Variants in CDH2 observed in about 807,000 individuals in gnomAD.
CDH2 encodes the protein cadherin 2, also known as cadherin-2.
In CDH2, 17 loss-of-function variants were observed where a neutral mutation model predicts 92.0. The ratio of observed to expected loss-of-function variants is 0.18; its 90% CI spans 0.13 to 0.28. The LOEUF (loss-of-function observed/expected upper bound fraction) is 0.28. CDH2 is among the 10% of genes least tolerant of loss of function. The pLI, the probability that CDH2 is intolerant of heterozygous loss-of-function variation, is 1.00. For missense variants in CDH2, 862 were observed against 1,133.1 expected, an observed-to-expected ratio of 0.76 and a Z score of 3.44; for synonymous variants, 419 against 415.9, an observed-to-expected ratio of 1.01 and a Z score of -0.09.
At chr18:28,071,141 T>C (rs77824219) in intron 2 of CDH2, among the ~76,000 whole-genome samples, 1 of 152,018 alleles carries the variant, frequency 6.6e-6, no homozygotes, top group East Asian at 1.9e-4. Context: ...TTCTGACAGA[T>C]TTAGGAAACA....
At chr18:27,943,982 T>C (rs1180182271) in intron 6 of CDH2, among the ~76,000 whole-genome samples, 1 of 152,182 alleles carries the variant, frequency 6.6e-6, no homozygotes, top group East Asian at 1.9e-4. Flanking sequence ...GATGCTTTTT[T>C]AGATACCTAA....
At chr18:28,005,480 T>C (rs1376697909) in intron 6 of CDH2, among the ~76,000 whole-genome samples, 1 of 152,148 alleles carries the variant, frequency 6.6e-6, no homozygotes, top group Non-Finnish European at 1.5e-5. Flanking sequence ...TCTCATACAG[T>C]CACATCTGTA....
chr18:28,176,582 G>A (rs967465524), intron 1 of CDH2, among the ~76,000 whole-genome samples: 2 of 152,058 alleles, frequency 1.3e-5, no homozygotes, highest in African/African-American at 4.8e-5. Flanking sequence ...AAAAAAATTG[G>A]AGCAAAGTAC....
At chr18:28,097,037 C>G (rs916181568) in intron 2 of CDH2, 1 of 152,238 alleles carries the variant, frequency 6.6e-6, no homozygotes, top group Non-Finnish European at 1.5e-5. Flanking sequence ...CCAATTCTCA[C>G]AGCCGCAAGT....
chr18:28,036,089 G>T (rs1351129473), intron 2 of CDH2, among the ~76,000 whole-genome samples: 7 of 152,142 alleles, frequency 4.6e-5, no homozygotes, highest in Admixed American at 4.6e-4. Flanking sequence ...GTTTGCAGAA[G>T]AATGTCTGCT....
rs565469596 is a variant in CDH2, at chr18:27,941,064, C to G, written c.1152-7940G>C. Among the ~76,000 whole-genome samples the G allele has an allele frequency of 1.2e-4, 16 of 132,370 alleles. No individual in the cohort carries two copies. In the East Asian group the frequency reaches 4.0e-3, roughly 33 times the overall value. The allele number at this position is 132,370 out of a possible 152,430, so 86.8% of individuals were successfully genotyped here. ...TTTTTTTTTTTTTTTGAGAAGGAGT[C>G]TCGCTCTGTCGCCCAGGCTGGAGTG... On this transcript the variant is annotated intron_variant, in intron 6 of 6. Transcript: ENST00000675173.
At chr18:28,137,877 T>G (rs531278802) in intron 2 of CDH2, among the ~76,000 whole-genome samples, 1 of 152,254 alleles carries the variant, frequency 6.6e-6, no homozygotes, top group East Asian at 1.9e-4. Flanking sequence ...ATATCTGCAG[T>G]AGGCCTTTTC....
Position 27,963,460 on chromosome 18 carries a change from A to G in CDH2, c.2411T>C (p.Val804Ala). ...TCTTTCATCCATTCGTCGGATTCCC[A>G]CAGGCTTGATGGCATCAGGCTCCAC... The part of the protein sequence containing the change: ...DTVEPDAIKP[V>A]GIRRMDERPI... The change falls in exon 15 of 16, where the codon GTG becomes GCG. Residue 804 changes from valine (V) to alanine (A), a missense_variant. By Grantham distance (64) the Val-to-Ala change is moderately conservative (BLOSUM62 0). Coordinates refer to ENST00000269141, the MANE Select transcript of CDH2 (RefSeq NM_001792.5). The G allele has an allele frequency of 6.2e-7, 1 of 1,614,040 alleles. No individual in the cohort carries two copies. Among genetic ancestry groups the G allele is most frequent in the Non-Finnish European group, 8.5e-7 (1 of 1,179,994 alleles).
intron 2 of CDH2, among the ~76,000 whole-genome samples, chr18:28,044,996 A>G (rs943008509): frequency 1.3e-5 from 2 of 152,116 alleles, no homozygotes; most frequent in Admixed American, 6.5e-5. Flanking sequence ...CAATAGATCT[A>G]AGTAGCTACA....
intron 1 of CDH2, among the ~76,000 whole-genome samples, chr18:28,155,645 A>C (rs1157348947): frequency 1.3e-5 from 2 of 152,228 alleles, no homozygotes; most frequent in African/African-American, 4.8e-5. Flanking sequence ...TATGTCTTCC[A>C]AACGACATAA....
Position 28,044,850 on chromosome 18 carries a change from CGTGTGTGT to C in CDH2, c.173-30949_173-30942del, listed in dbSNP as rs68093312. Among the ~76,000 whole-genome samples the C allele has an allele frequency of 5.4e-3, 805 of 148,502 alleles. 10 individuals carry two copies. The highest frequency in any genetic ancestry group is 0.018 in the African/African-American group (749 of 40,674). ...ATTTTAAAAAGATAATATATAACAT[CGTGTGTGT>C]GTGTGTGTGTGTGTGTGTGTGTAAA... On this transcript the variant is annotated intron_variant, in intron 2 of 15. Coordinates refer to ENST00000269141, the MANE Select transcript of CDH2 (RefSeq NM_001792.5).
chr18:28,157,182 A>G (rs17536786), intron 1 of CDH2, among the ~76,000 whole-genome samples: 5,001 of 152,320 alleles, frequency 0.033, 286 homozygotes, highest in African/African-American at 0.11. Context: ...GAGATGGCCA[A>G]TCATGGCTCA....
chr18:27,947,018 T>C (rs2143841957), downstream of CDH2, among the ~76,000 whole-genome samples: 1 of 151,914 alleles, frequency 6.6e-6, no homozygotes, highest in South Asian at 2.1e-4. Flanking sequence ...GCCTTCCTAT[T>C]ATAGTCAGGA....
chr18:28,026,389 G>C (rs2013553932), intron 2 of CDH2, among the ~76,000 whole-genome samples: 1 of 152,120 alleles, frequency 6.6e-6, no homozygotes, highest in South Asian at 2.1e-4. Context: ...ATGGTGGCTT[G>C]AACAGGCTGA....
intron 1 of CDH2, among the ~76,000 whole-genome samples, chr18:28,172,212 A>G (rs2016475985): frequency 6.6e-6 from 1 of 152,086 alleles, no homozygotes; most frequent in African/African-American, 2.4e-5. Flanking sequence ...AAATCTAAGC[A>G]GAATTTAATC....
At chr18:27,962,768 A>C (rs1467780500) in intron 15 of CDH2, among the ~76,000 whole-genome samples, 1 of 152,244 alleles carries the variant, frequency 6.6e-6, no homozygotes, top group African/African-American at 2.4e-5. Flanking sequence ...ATGTCATAAT[A>C]ATTTTGACAG....
At chr18:28,164,663 C>T (rs2016353070) in intron 1 of CDH2, among the ~76,000 whole-genome samples, 1 of 151,634 alleles carries the variant, frequency 6.6e-6, no homozygotes, top group South Asian at 2.1e-4. Flanking sequence ...CACACACACA[C>T]AGACACACAC....
At chr18:28,054,385 G>C (rs1167285382) in intron 2 of CDH2, among the ~76,000 whole-genome samples, 2 of 152,082 alleles carry the variant, frequency 1.3e-5, no homozygotes, top group African/African-American at 2.4e-5. Flanking sequence ...AACCCCACAG[G>C]AACAATGACA....
At chr18:28,019,370 G>T (rs369534002) in intron 2 of CDH2, among the ~76,000 whole-genome samples, 124 of 151,718 alleles carry the variant, frequency 8.2e-4, no homozygotes, top group African/African-American at 3.0e-3. Flanking sequence ...AGGAAGGAAA[G>T]AAAGAGAAAA....
Sources: gnomAD v4.1 joint callset for allele counts (sites outside exome capture counted in the v4.1 genomes callset) on GRCh38, gnomAD v4.1.1 for gene constraint, MANE v1.5 for transcripts, NCBI Gene and HGNC (gene_info 2026-07-23, HGNC 2026-07-21) for gene names.